The following KANSL3 variants were observed in gnomAD, a reference collection of about 807,000 sequenced individuals.
The protein encoded by KANSL3 is NSL complex protein NSL3.
In KANSL3, 16 loss-of-function variants were observed where a neutral mutation model predicts 89.2. That is an observed-to-expected ratio of 0.18 (90% confidence interval 0.12 to 0.27). The LOEUF (loss-of-function observed/expected upper bound fraction) is 0.27, where lower values mean the gene tolerates loss of function less well. Among genes scored for constraint, KANSL3 ranks in the 10% least tolerant of loss-of-function variants. The pLI is 1.00. For missense variants in KANSL3, 879 were observed against 1,110.6 expected (o/e 0.79, Z 2.96); for synonymous variants, 385 against 419.7 (o/e 0.92, Z 1.01).
intron 5 of KANSL3, chr2:96,615,626 G>A: frequency 1.6e-6 from 1 of 620,012 alleles, no homozygotes; most frequent in South Asian, 1.7e-5. Context: ...AGAATAAAAA[G>A]TACTACGGTT....
intron 15 of KANSL3, 82 bp downstream of exon 15, chr2:96,605,238 A>G: frequency 8.2e-7 from 1 of 1,220,266 alleles, no homozygotes; most frequent in Non-Finnish European, 1.2e-6. Context: ...AAAGGCTGAC[A>G]TGCTGGTGAA....
downstream of KANSL3, among the ~76,000 whole-genome samples, chr2:96,592,342 T>C (rs1285464712): frequency 6.6e-6 from 1 of 152,202 alleles, no homozygotes; most frequent in East Asian, 1.9e-4. Flanking sequence ...TTGGAATTCA[T>C]TCATTCATCT....
At chr2:96,613,693 G>A in intron 5 of KANSL3, 74 bp from the exon 6 acceptor site, 1 of 1,433,166 alleles carries the variant, frequency 7.0e-7, no homozygotes, top group Non-Finnish European at 9.6e-7. Context: ...TCAAGCAGAA[G>A]AACAGAGCCC....
At chr2:96,629,763 C>T (rs2073061040) in intron 3 of KANSL3, among the ~76,000 whole-genome samples, 1 of 152,182 alleles carries the variant, frequency 6.6e-6, no homozygotes, top group Non-Finnish European at 1.5e-5. Context: ...CAACTTCCAA[C>T]CAGCTTCAGA....
chr2:96,631,577 A>G (rs2073396376), intron 2 of KANSL3, 95 bp from the exon 3 acceptor site: 1 of 1,434,096 alleles, frequency 7.0e-7, no homozygotes, highest in Non-Finnish European at 9.6e-7. Flanking sequence ...TAATACAGTC[A>G]GCTTTAAATT....
chr2:96,592,230 A>G (rs2066288936), downstream of KANSL3, among the ~76,000 whole-genome samples: 1 of 152,124 alleles, frequency 6.6e-6, no homozygotes, highest in Non-Finnish European at 1.5e-5. Flanking sequence ...TACCAGAACT[A>G]TGGCCTCCAC....
In KANSL3 at chr2:96,621,086, T is replaced by C. The variant is rs1573531479; in HGVS notation, c.387-1324A>G. Among the ~76,000 whole-genome samples, 3 of 152,182 alleles carry C rather than the reference T, an allele frequency of 2.0e-5. No homozygotes were observed. The Middle Eastern group carries it at 0.01, about 518-fold the overall frequency. Reference sequence around the variant, plus strand: ...AATGGGATCAAGGTAGCATTTCAAATCAGTCTGGATAAAGTCCCTAAATGT... The same window carrying C: ...AATGGGATCAAGGTAGCATTTCAAACCAGTCTGGATAAAGTCCCTAAATGT... On this transcript the variant is annotated intron_variant, in intron 3 of 20. Transcript: ENST00000431828.
At chr2:96,608,729 G>T in intron 13 of KANSL3, 65 bp from the exon 14 acceptor site, 2 of 1,598,766 alleles carry the variant, frequency 1.3e-6, no homozygotes, top group Non-Finnish European at 1.7e-6. Flanking sequence ...GAGTCAGCAT[G>T]TCCCTCTGGA....
chr2:96,632,301 T>C (rs935532571), intron 2 of KANSL3, among the ~76,000 whole-genome samples: 3 of 152,108 alleles, frequency 2.0e-5, no homozygotes, highest in African/African-American at 7.2e-5. Context: ...ACCCCGTCTC[T>C]AAAACAAACA....
chr2:96,627,271 G>A (rs2072516019), intron 3 of KANSL3, among the ~76,000 whole-genome samples: 1 of 151,916 alleles, frequency 6.6e-6, no homozygotes, highest in South Asian at 2.1e-4. Context: ...CTGGAGTGCA[G>A]TGGCACGATC....
intron 3 of KANSL3, among the ~76,000 whole-genome samples, chr2:96,630,904 C>T (rs762978420): frequency 1.3e-4 from 20 of 152,206 alleles, no homozygotes; most frequent in Non-Finnish European, 2.9e-5. Flanking sequence ...GACTTCACAA[C>T]TTCCATCATC....
chr2:96,631,049 CTTAT>C (rs1166565406), intron 3 of KANSL3, among the ~76,000 whole-genome samples: 2 of 152,314 alleles, frequency 1.3e-5, no homozygotes, highest in African/African-American at 2.4e-5. Context: ...ATTTAATTCA[CTTAT>C]TTATTCAACA....
chr2:96,601,249 T>C (rs770553736), intron 20 of KANSL3: 354 of 922,832 alleles, frequency 3.8e-4, no homozygotes, highest in Non-Finnish European at 4.4e-4. Context: ...GCTTGGGCGA[T>C]AGAGCAAGAC....
At position 96,595,538 on chromosome 2, in the gene KANSL3, C is replaced by T; in HGVS notation, c.*73G>A. On this transcript the variant is annotated 3_prime_UTR_variant, in exon 21 of 21. Coordinates refer to ENST00000431828, the MANE Select transcript of KANSL3 (RefSeq NM_001115016.3). Reference sequence around the variant, plus strand: ...CGACACGTGGACAGCTCAGCAGGACCACACACCTGTCCAGGGCCCACCATG... The same window carrying T: ...CGACACGTGGACAGCTCAGCAGGACTACACACCTGTCCAGGGCCCACCATG... 1 of 1,554,160 alleles carries T rather than the reference C, an allele frequency of 6.4e-7. No individual in the cohort carries two copies.
At chr2:96,623,021 T>C (rs1015368327) in intron 3 of KANSL3, among the ~76,000 whole-genome samples, 2 of 152,226 alleles carry the variant, frequency 1.3e-5, no homozygotes, top group African/African-American at 2.4e-5. Context: ...ATTCTATCCA[T>C]GCTATTTATT....
At chr2:96,600,809 A>T (rs892033036) in intron 20 of KANSL3, 10 of 985,448 alleles carry the variant, frequency 1.0e-5, no homozygotes, top group Non-Finnish European at 1.2e-5. Context: ...AGACCTATAA[A>T]AACCTAGCTG....
rs77533390 is a variant in KANSL3, at chr2:96,614,025, T to A, written c.664-406A>T. ...AAACAATTTAATATATATGTGCATA[T>A]GTAAGGGAGTAGTTTAGTCAACTAT... On this transcript the variant is annotated intron_variant, in intron 5 of 20. Transcript: ENST00000431828. Among the ~76,000 whole-genome samples, 892 of 152,348 alleles carry A rather than the reference T, an allele frequency of 5.9e-3. 12 individuals are homozygous for A. Among genetic ancestry groups the A allele is most frequent in the African/African-American group, 0.02 (838 of 41,576 alleles).
chr2:96,631,255 T>A (rs1483113664), intron 3 of KANSL3, 57 bp downstream of exon 3: 1 of 1,261,264 alleles, frequency 7.9e-7, no homozygotes, highest in African/African-American at 1.5e-5. Flanking sequence ...GTTATTTCAA[T>A]GAAGATGATA....
intron 7 of KANSL3, 34 bp from the exon 8 acceptor site, chr2:96,612,597 G>A (rs758821593): frequency 1.3e-6 from 2 of 1,546,214 alleles, no homozygotes; most frequent in Non-Finnish European, 1.8e-6. Context: ...CACCAGCAGA[G>A]GTAAGTTTCA....
Sources: allele counts gnomAD v4.1 joint callset (sites outside exome capture counted in the v4.1 genomes callset), GRCh38; gene constraint gnomAD v4.1.1; transcripts MANE v1.5; gene names NCBI Gene and HGNC (gene_info 2026-07-23, HGNC 2026-07-21).